Variants in PVT1 observed in about 807,000 individuals in gnomAD.
PVT1 encodes CXCR4/PVT1 fusion.
In PVT1 at chr8:127,870,391, G is replaced by A. The variant is rs567806762; in HGVS notation, n.373-20198G>A. ...GGGAGCACAGTCCCGCTGACACCTT[G>A]ATCTTGGACATCTAGTCCCCAGAAC... On this transcript the variant is annotated intron_variant and non_coding_transcript_variant, in intron 2 of 10. Coordinates refer to ENST00000651587, the Ensembl canonical transcript of PVT1. Among the ~76,000 whole-genome samples the A allele has an allele frequency of 6.6e-5, 10 of 152,298 alleles. No individual in the cohort carries two copies. The South Asian group carries it at 2.1e-3, about 32-fold the overall frequency.
chr8:127,897,528 AG>A (rs1815695025), intron 3 of PVT1, among the ~76,000 whole-genome samples: 1 of 149,412 alleles, frequency 6.7e-6, no homozygotes. Context: ...GGAAAGAAAG[AG>A]GAAAGAAAGA....
chr8:128,076,855 C>T (rs1275584715), intron 5 of PVT1, among the ~76,000 whole-genome samples: 2 of 152,242 alleles, frequency 1.3e-5, no homozygotes, highest in East Asian at 3.8e-4. Context: ...GCTGTCCTGG[C>T]CCCTGGTGAC....
chr8:127,818,439 G>T (rs1000059304), intron 2 of PVT1, among the ~76,000 whole-genome samples: 1 of 152,184 alleles, frequency 6.6e-6, no homozygotes, highest in Non-Finnish European at 1.5e-5. Flanking sequence ...GGGAGAGCAG[G>T]CAGGTCTCTC....
At chr8:127,946,232 C>T (rs1816418667) in intron 3 of PVT1, among the ~76,000 whole-genome samples, 1 of 152,144 alleles carries the variant, frequency 6.6e-6, no homozygotes, top group African/African-American at 2.4e-5. Flanking sequence ...GCCATTCAAT[C>T]GATTGTATTG....
At chr8:128,001,857 A>G (rs1817181182) in intron 4 of PVT1, among the ~76,000 whole-genome samples, 2 of 152,100 alleles carry the variant, frequency 1.3e-5, no homozygotes, top group African/African-American at 2.4e-5. Context: ...AGCTTTCTGG[A>G]GCCTCTTTTG....
intron 4 of PVT1, among the ~76,000 whole-genome samples, chr8:127,998,589 C>A (rs145864105): frequency 0.017 from 2,306 of 137,020 alleles, 58 homozygotes; most frequent in African/African-American, 0.06. Context: ...TCCCTCTTTT[C>A]TTTTCTTTTT....
In PVT1 at chr8:128,077,641, G is replaced by A. The variant is rs902646687; in HGVS notation, n.1114+7280G>A. Among the ~76,000 whole-genome samples the A allele has an allele frequency of 7.2e-5, 11 of 152,262 alleles. No individual in the cohort carries two copies. The East Asian group carries it at 1.7e-3, about 24-fold the overall frequency. On this transcript the variant is annotated intron_variant and non_coding_transcript_variant, in intron 5 of 10. Transcript: ENST00000651587. ...TTAGGAAGGTGTACATGATAAATTC[G>A]TTTTTTAAAACAGGAATGGTGATCG... is the stretch of plus-strand genomic sequence containing the variant.
At chr8:127,985,336 A>G (rs1302578256) in intron 3 of PVT1, among the ~76,000 whole-genome samples, 1 of 151,680 alleles carries the variant, frequency 6.6e-6, no homozygotes, top group Non-Finnish European at 1.5e-5. Flanking sequence ...CCAGCCTTCC[A>G]GGCTGGTTTC....
chr8:127,964,362 G>A (rs1816680851), intron 3 of PVT1, among the ~76,000 whole-genome samples: 1 of 152,228 alleles, frequency 6.6e-6, no homozygotes, highest in African/African-American at 2.4e-5. Flanking sequence ...GGATACAGCA[G>A]CGACCAACCG....
chr8:127,922,529 C>T (rs1038587841), intron 3 of PVT1, among the ~76,000 whole-genome samples: 2 of 152,182 alleles, frequency 1.3e-5, no homozygotes, highest in African/African-American at 2.4e-5. Flanking sequence ...GCCTAGTTCA[C>T]TCTTCTTTGC....
chr8:128,076,746 G>A (rs372162175), intron 5 of PVT1, among the ~76,000 whole-genome samples: 3 of 152,302 alleles, frequency 2.0e-5, no homozygotes, highest in East Asian at 3.9e-4. Context: ...GCATTTGTGA[G>A]CCTTGTCACC....
At chr8:127,800,926 T>C (rs937937246) in intron 2 of PVT1, among the ~76,000 whole-genome samples, 9 of 152,104 alleles carry the variant, frequency 5.9e-5, no homozygotes, top group Non-Finnish European at 1.2e-4. Flanking sequence ...GGCTGGGGCG[T>C]GGTGCTGTGT....
intron 2 of PVT1, among the ~76,000 whole-genome samples, chr8:127,889,804 A>G (rs565109549): frequency 7.9e-5 from 12 of 152,278 alleles, no homozygotes; most frequent in Non-Finnish European, 1.8e-4. Flanking sequence ...TGTTTGAGAG[A>G]TCATATCAGA....
intron 4 of PVT1, among the ~76,000 whole-genome samples, chr8:128,048,996 A>G (rs2720660): frequency 0.65 from 99,043 of 152,116 alleles, 32,461 homozygotes; most frequent in East Asian, 0.87. Flanking sequence ...TCTCCACTGG[A>G]CTCTGTGTTC....
At chr8:127,831,133 ATATC>A (rs1184979414) in intron 2 of PVT1, among the ~76,000 whole-genome samples, 1 of 124,014 alleles carries the variant, frequency 8.1e-6, no homozygotes, top group African/African-American at 3.4e-5. Context: ...ATCTATATCT[ATATC>A]TATCTCTCTC....
At chr8:127,852,900 T>C (rs1815119539) in intron 2 of PVT1, among the ~76,000 whole-genome samples, 1 of 152,200 alleles carries the variant, frequency 6.6e-6, no homozygotes, top group Non-Finnish European at 1.5e-5. Flanking sequence ...TGTGGCGCCT[T>C]GCACTGGGTC....
At chr8:127,930,635 T>A (rs917670574) in intron 3 of PVT1, among the ~76,000 whole-genome samples, 2 of 152,100 alleles carry the variant, frequency 1.3e-5, no homozygotes, top group South Asian at 4.1e-4. Flanking sequence ...TGAATAGGAA[T>A]GTAGGGGCCC....
intron 2 of PVT1, among the ~76,000 whole-genome samples, chr8:127,875,351 G>C (rs112302941): frequency 0.013 from 1,726 of 132,068 alleles, 37 homozygotes; most frequent in African/African-American, 0.054. Flanking sequence ...GACTCTGTCT[G>C]TCTCTGTCTC....
At position 127,944,409 on chromosome 8, in the gene PVT1, G is replaced by C. The variant is rs986708538; in HGVS notation, n.783-44753G>C. ...TTCTGCCACTTGCTAGCCATGGTGAGACCTTGCCCAGCTTTCATACTTTCA... is the reference window on the plus strand; with the variant it reads ...TTCTGCCACTTGCTAGCCATGGTGACACCTTGCCCAGCTTTCATACTTTCA... On this transcript the variant is annotated intron_variant and non_coding_transcript_variant, in intron 3 of 10. Transcript: ENST00000651587. Among the ~76,000 whole-genome samples the C allele has an allele frequency of 9.9e-5, 15 of 152,176 alleles. 1 individual carries two copies. Among genetic ancestry groups the C allele is most frequent in the African/African-American group, 3.6e-4 (15 of 41,438 alleles).
Sources: allele counts gnomAD v4.1 joint callset (sites outside exome capture counted in the v4.1 genomes callset), GRCh38; gene constraint gnomAD v4.1.1; transcripts MANE v1.5; gene names NCBI Gene and HGNC (gene_info 2026-07-23, HGNC 2026-07-21).